RMND1: variants seen among roughly 807,000 people sequenced by gnomAD.
The protein encoded by RMND1 is required for meiotic nuclear division protein 1 homolog.
Under a neutral mutation model 54.0 loss-of-function variants are expected in RMND1, and 41 were observed. That is an observed-to-expected ratio of 0.76 (90% CI 0.59 to 0.98). The LOEUF is 0.98. RMND1 is among the 50% of genes least tolerant of loss of function. RMND1 has a pLI of 0.00. For synonymous variants in RMND1, 183 were observed against 181.7 expected, an observed-to-expected ratio of 1.01 and a Z score of -0.06; for missense variants, 457 against 532.0, an observed-to-expected ratio of 0.86 and a Z score of 1.39.
intron 3 of RMND1, among the ~76,000 whole-genome samples, chr6:151,433,789 T>A (rs1468637674): frequency 6.6e-6 from 1 of 152,144 alleles, no homozygotes; most frequent in Non-Finnish European, 1.5e-5. Context: ...CTACAGGGGC[T>A]ACCACTGCAG....
At chr6:151,447,998 T>C (rs774097337) in intron 1 of RMND1, among the ~76,000 whole-genome samples, 2 of 152,060 alleles carry the variant, frequency 1.3e-5, no homozygotes, top group Non-Finnish European at 2.9e-5. Context: ...GTATTTTTAG[T>C]AGAGACGGGG....
chr6:151,435,715 C>T (rs1409219349), intron 3 of RMND1, among the ~76,000 whole-genome samples: 4 of 151,696 alleles, frequency 2.6e-5, no homozygotes, highest in Admixed American at 6.6e-5. Context: ...CTACTGCACC[C>T]GGCTAACTAA....
At chr6:151,432,579 G>T (rs1780479660) in intron 4 of RMND1, among the ~76,000 whole-genome samples, 1 of 151,994 alleles carries the variant, frequency 6.6e-6, no homozygotes, top group Non-Finnish European at 1.5e-5. Flanking sequence ...GACCTTCATC[G>T]GTGTGCTGAG....
intron 5 of RMND1, among the ~76,000 whole-genome samples, chr6:151,428,294 A>G (rs1780359833): frequency 6.6e-6 from 1 of 152,174 alleles, no homozygotes; most frequent in Non-Finnish European, 1.5e-5. Context: ...ATATATGTAC[A>G]TATTTATGCT....
Position 151,412,091 on chromosome 6 carries a change from C to A in RMND1, c.1200+5188G>T, listed in dbSNP as rs115104194. On this transcript the variant is annotated intron_variant, in intron 10 of 11. Coordinates refer to ENST00000444024, the MANE Select transcript of RMND1 (RefSeq NM_017909.4). ...CTTGGCTCACTGCAACCTCTGCCCC[C>A]CTTAGGTTCAAGCGATTTTCCTGCC... Among the ~76,000 whole-genome samples the A allele has an allele frequency of 5.5e-3, 830 of 152,220 alleles. 6 individuals carry two copies. The highest frequency in any genetic ancestry group is 0.019 in the African/African-American group (791 of 41,540).
chr6:151,433,100 A>G (rs1030459602), intron 4 of RMND1, 55 bp downstream of exon 4: 3 of 1,104,748 alleles, frequency 2.7e-6, no homozygotes, highest in African/African-American at 1.6e-5. Flanking sequence ...TTTAAAGACC[A>G]CAATTACTTG....
intron 1 of RMND1, 72 bp downstream of exon 1, chr6:151,451,944 G>A (rs1582978884): frequency 6.5e-6 from 1 of 153,400 alleles, no homozygotes; most frequent in Admixed American, 6.5e-5. Context: ...CACGTTCCGG[G>A]CGGCCAGGAG....
At position 151,445,319 on chromosome 6, in the gene RMND1, A is replaced by G. The variant is rs1343466627; in HGVS notation, c.493T>C (p.Ser165Pro). Residue 165 changes from serine (S) to proline (P), a missense_variant, in exon 2 of 12, where the codon TCT becomes CCT. Transcript: ENST00000444024. The stretch of plus-strand genomic sequence containing the variant: ...CACCCCTACTTTACCTCGTTCACAG[A>G]CAGAACTGGAAGGTTGGTCCTGGAT... ...QPSRTNLPVL[S>P]VNEDLMHCTA... is the part of the protein sequence containing the mutation. 1 of 1,607,778 alleles carries G rather than the reference A, an allele frequency of 6.2e-7. No homozygotes were observed. The highest frequency in any genetic ancestry group is 8.5e-7 in the Non-Finnish European group (1 of 1,177,600).
At chr6:151,411,789 A>T (rs566179277) in intron 10 of RMND1, 1 of 152,340 alleles carries the variant, frequency 6.6e-6, no homozygotes, top group African/African-American at 2.4e-5. Flanking sequence ...GAGATCAGTA[A>T]TGGTTCCACC....
intron 2 of RMND1, among the ~76,000 whole-genome samples, chr6:151,438,407 G>C (rs1443283208): frequency 6.6e-6 from 1 of 152,126 alleles, no homozygotes; most frequent in Non-Finnish European, 1.5e-5. Flanking sequence ...AAGAGCAAGA[G>C]GCACAAAAAG....
intron 2 of RMND1, among the ~76,000 whole-genome samples, chr6:151,437,947 C>G (rs902614663): frequency 1.3e-5 from 2 of 152,154 alleles, no homozygotes; most frequent in Non-Finnish European, 2.9e-5. Context: ...GAAAAAAAGT[C>G]AGACAAGCTG....
Position 151,407,949 on chromosome 6 carries a change from CTATT to C in RMND1, c.1201-2117_1201-2114del, listed in dbSNP as rs553602012. Among the ~76,000 whole-genome samples, 60 of 151,996 alleles carry C rather than the reference CTATT, an allele frequency of 3.9e-4. No homozygotes were observed. In the South Asian group the frequency reaches 6.2e-3, roughly 16 times the overall value. On this transcript the variant is annotated intron_variant, in intron 10 of 11. Coordinates refer to ENST00000444024, the MANE Select transcript of RMND1 (RefSeq NM_017909.4). ...AGTCACTATTACCACAGCATGCTTTCTATTTATTTAGGTATAGAGGCATGTACGC... is the reference window on the plus strand; with the variant it reads ...AGTCACTATTACCACAGCATGCTTTCTATTTAGGTATAGAGGCATGTACGC...
rs574419495 is a variant in RMND1, at chr6:151,417,600, C to G, written c.1080-201G>C. Among the ~76,000 whole-genome samples the G allele has an allele frequency of 6.6e-5, 10 of 152,002 alleles. 1 individual carries two copies. The South Asian group carries it at 2.1e-3, about 32-fold the overall frequency. On this transcript the variant is annotated intron_variant, in intron 9 of 11. Transcript: ENST00000444024. The stretch of plus-strand genomic sequence containing the variant: ...TGAACTCCTGGGCTCAAGCTGTTCT[C>G]CTGCCTCAGCCTCCCATGTAGCTGG...
intron 1 of RMND1, among the ~76,000 whole-genome samples, chr6:151,449,060 C>CAAAAAAAAAAAAAAAAAA (rs71014585): frequency 5.4e-5 from 1 of 18,662 alleles, no homozygotes; most frequent in African/African-American, 2.5e-4. Flanking sequence ...GACTCTGTCT[C>CAAAAAAAAAAAAAAAAAA]AAAAAAAAAA....
intron 2 of RMND1, among the ~76,000 whole-genome samples, chr6:151,444,006 A>G (rs1780871556): frequency 6.6e-6 from 1 of 152,222 alleles, no homozygotes; most frequent in South Asian, 2.1e-4. Flanking sequence ...AATGTTGAAA[A>G]TCTACTTCAA....
intron 10 of RMND1, chr6:151,416,911 G>A (rs567527642): frequency 4.1e-4 from 65 of 156,986 alleles, no homozygotes; most frequent in African/African-American, 1.5e-3. Context: ...CTTCTCCATG[G>A]CCTCTTATTA....
At chr6:151,419,218 C>G (rs1207382134) in intron 9 of RMND1, among the ~76,000 whole-genome samples, 1 of 151,822 alleles carries the variant, frequency 6.6e-6, no homozygotes, top group African/African-American at 2.4e-5. Context: ...GCGCACACCA[C>G]CATTCCTGGC....
At chr6:151,422,972 G>A (rs1280787889) in intron 7 of RMND1, among the ~76,000 whole-genome samples, 1 of 152,182 alleles carries the variant, frequency 6.6e-6, no homozygotes, top group Non-Finnish European at 1.5e-5. Flanking sequence ...AGGACTAAGA[G>A]TAAACCTCAG....
chr6:151,450,698 G>A (rs887096281), intron 1 of RMND1, among the ~76,000 whole-genome samples: 8 of 151,960 alleles, frequency 5.3e-5, no homozygotes, highest in Non-Finnish European at 1.0e-4. Flanking sequence ...CGTCTGGGAG[G>A]TGTACTCAAC....
Sources: allele counts gnomAD v4.1 joint callset (sites outside exome capture counted in the v4.1 genomes callset), GRCh38; gene constraint gnomAD v4.1.1; transcripts MANE v1.5; gene names NCBI Gene and HGNC (gene_info 2026-07-23, HGNC 2026-07-21).